BAZ1A: variants seen among roughly 807,000 people sequenced by gnomAD.
The protein encoded by BAZ1A is bromodomain adjacent to zinc finger domain 1A, also known as bromodomain adjacent to zinc finger domain protein 1A.
A neutral mutation model predicts 185.2 loss-of-function variants in BAZ1A; 50 were observed. The observed-to-expected ratio is 0.27, with a 90% CI of 0.22 to 0.34. The LOEUF (loss-of-function observed/expected upper bound fraction) is 0.34. Ranked by LOEUF, BAZ1A falls within the 10% of genes least tolerant of loss-of-function variation. The probability of loss-of-function intolerance (pLI) is 1.00; values close to 1 mark genes in which losing one functional copy is unlikely to be tolerated. For missense variants in BAZ1A, 1,356 were observed against 1,839.9 expected (o/e 0.74, Z 4.81); for synonymous variants, 571 against 615.6 (o/e 0.93, Z 1.07).
intron 6 of BAZ1A, among the ~76,000 whole-genome samples, chr14:34,803,587 A>G (rs948158403): frequency 1.3e-5 from 2 of 151,864 alleles, no homozygotes; most frequent in African/African-American, 4.8e-5. Context: ...TTACATATAT[A>G]TTATACAATA....
At chr14:34,820,495 G>C (rs889959133) in intron 4 of BAZ1A, among the ~76,000 whole-genome samples, 6 of 152,134 alleles carry the variant, frequency 3.9e-5, no homozygotes, top group Non-Finnish European at 8.8e-5. Flanking sequence ...TCCTTCATCA[G>C]ATTATCTTTT....
Position 34,763,506 on chromosome 14 carries a change from G to C in BAZ1A, c.3776+1201C>G, listed in dbSNP as rs74043545. Among the ~76,000 whole-genome samples, 914 of 152,014 alleles carry C rather than the reference G, an allele frequency of 6.0e-3. 10 individuals are homozygous for C. Among genetic ancestry groups the C allele is most frequent in the African/African-American group, 0.021 (878 of 41,450 alleles). ...CCCTGATATGACTGGCTATGGTCAGGCCTGCTGACAGAAAACCCCCAGTAG... is the reference window on the plus strand; with the variant it reads ...CCCTGATATGACTGGCTATGGTCAGCCCTGCTGACAGAAAACCCCCAGTAG... On this transcript the variant is annotated intron_variant, in intron 23 of 26. Transcript: ENST00000360310.
chr14:34,875,190 A>C lies in BAZ1A; in HGVS notation c.-111T>G. On this transcript the variant is annotated 5_prime_UTR_variant, in exon 1 of 27. Coordinates refer to ENST00000360310, the MANE Select transcript of BAZ1A (RefSeq NM_013448.3). ...CACCTTCTCCACTACAAAGGCAACGAGGGGAGACCCCGTCCTCCCAGGGGA... is the reference window on the plus strand; with the variant it reads ...CACCTTCTCCACTACAAAGGCAACGCGGGGAGACCCCGTCCTCCCAGGGGA... The C allele has an allele frequency of 2.2e-6, 1 of 446,414 alleles. No homozygotes were observed. The highest frequency in any genetic ancestry group is 4.5e-6 in the Non-Finnish European group (1 of 221,876). The allele number at this position is 446,414 out of a possible 1,614,324, so 27.7% of individuals were successfully genotyped here.
intron 3 of BAZ1A, among the ~76,000 whole-genome samples, chr14:34,846,476 GT>G (rs977598941): frequency 6.6e-6 from 1 of 152,178 alleles, no homozygotes; most frequent in African/African-American, 2.4e-5. Flanking sequence ...AATTTGTATG[GT>G]AAGTCTAAAC....
chr14:34,784,072 G>T, intron 14 of BAZ1A, 145 bp from the exon 15 acceptor site: 1 of 760,122 alleles, frequency 1.3e-6, no homozygotes, highest in South Asian at 2.2e-5. Context: ...ATGTCTTCAG[G>T]AAAAAGCAAT....
intron 23 of BAZ1A, among the ~76,000 whole-genome samples, chr14:34,762,794 C>T (rs1476517857): frequency 6.6e-6 from 1 of 152,130 alleles, no homozygotes; most frequent in Non-Finnish European, 1.5e-5. Context: ...AACTTCAGGA[C>T]ATCATTATGA....
rs1879214301 is a variant in BAZ1A, at chr14:34,771,500, C to CA, written c.3301+10dup. ...CACAACTAATATTTTGAAATAAAAA[C>CA]AGATACTTACCAAGTGGAGCTTTCA... On this transcript the variant is annotated intron_variant, in intron 21 of 26. Coordinates refer to ENST00000360310, the MANE Select transcript of BAZ1A (RefSeq NM_013448.3). 6.3e-7 allele frequency: 1 copy of CA among 1,598,796 alleles called. No individual in the cohort carries two copies. Among genetic ancestry groups the CA allele is most frequent in the African/African-American group, 1.4e-5 (1 of 74,064 alleles).
chr14:34,842,713 A>C (rs1168214432), intron 3 of BAZ1A, among the ~76,000 whole-genome samples: 1 of 152,130 alleles, frequency 6.6e-6, no homozygotes, highest in Non-Finnish European at 1.5e-5. Flanking sequence ...TGTCATACAC[A>C]CTTATTCCTC....
At chr14:34,824,408 CAAAA>C in intron 4 of BAZ1A, among the ~76,000 whole-genome samples, 1 of 65,772 alleles carries the variant, frequency 1.5e-5, no homozygotes, top group African/African-American at 6.6e-5. Flanking sequence ...AGCAGCAACT[CAAAA>C]AAAAAAAAAA....
intron 23 of BAZ1A, 114 bp downstream of exon 23, chr14:34,764,593 A>G (rs1878694490): frequency 1.4e-6 from 2 of 1,383,028 alleles, no homozygotes; most frequent in African/African-American, 1.4e-5. Context: ...TGTCCAGCCT[A>G]TATATTAGTT....
At position 34,800,380 on chromosome 14, in the gene BAZ1A, CT is replaced by C; in HGVS notation, c.971del (p.Lys324ArgfsTer4). On this transcript the variant is annotated frameshift_variant, in exon 9 of 27. Transcript: ENST00000360310. LOFTEE classifies it high-confidence loss of function. ...CTGCTTTTTCTCTTTTTAATTTAGCCTTTTCAAAAGCTGTGAAGAAAAATCA... is the reference window on the plus strand; with the variant it reads ...CTGCTTTTTCTCTTTTTAATTTAGCCTTTCAAAAGCTGTGAAGAAAAATCA... Reference protein sequence around the residue: ...QEEMKSLAFEKAKLKREKADA... With the variant: ...QEEMKSLAFEXAKLKREKADA... 1 of 1,539,950 alleles carries C rather than the reference CT, an allele frequency of 6.5e-7. No homozygotes were observed.
chr14:34,789,012 A>G (rs997804323), intron 12 of BAZ1A, among the ~76,000 whole-genome samples: 1 of 152,212 alleles, frequency 6.6e-6, no homozygotes, highest in Non-Finnish European at 1.5e-5. Flanking sequence ...GCCACACAGG[A>G]GAAGCTATCT....
chr14:34,815,818 A>G (rs890475013), intron 4 of BAZ1A, among the ~76,000 whole-genome samples: 5 of 152,200 alleles, frequency 3.3e-5, no homozygotes, highest in African/African-American at 1.2e-4. Flanking sequence ...TGTGTTCACA[A>G]CTATTCTACA....
intron 4 of BAZ1A, among the ~76,000 whole-genome samples, chr14:34,824,460 A>ATGTCATGCT (rs1179268164): frequency 6.8e-6 from 1 of 146,224 alleles, no homozygotes; most frequent in Admixed American, 6.9e-5. Flanking sequence ...ATACAGGACC[A>ATGTCATGCT]TGTCATGCTT....
At chr14:34,864,629 C>T (rs909231760) in intron 2 of BAZ1A, among the ~76,000 whole-genome samples, 8 of 148,940 alleles carry the variant, frequency 5.4e-5, no homozygotes, top group South Asian at 4.2e-4. Context: ...TACAGACGCG[C>T]GCCACCACAC....
In BAZ1A at chr14:34,753,409, G is replaced by A; in HGVS notation, c.*99C>T. ...AATATAGTGCAGGCCACACTTTCAT[G>A]TGGTCAATCAATTGTTATTGCTTTA... On this transcript the variant is annotated 3_prime_UTR_variant, in exon 27 of 27. Transcript: ENST00000360310. 8.4e-7 allele frequency: 1 copy of A among 1,185,012 alleles called. No homozygotes were observed. Among genetic ancestry groups the A allele is most frequent in the Non-Finnish European group, 1.2e-6 (1 of 823,482 alleles). The allele number at this position is 1,185,012 out of a possible 1,614,324, so 73.4% of individuals were successfully genotyped here. A position where few individuals can be genotyped will look rare whatever the true frequency, so the allele number is the denominator to read the frequency against.
rs752264784 is a variant in BAZ1A at position 34,771,677 on chromosome 14, AAG to A, written c.3153-20_3153-19del. The A allele has an allele frequency of 9.9e-6, 16 of 1,609,744 alleles. No homozygotes were observed. In the East Asian group the frequency reaches 3.6e-4, roughly 36 times the overall value. On this transcript the variant is annotated intron_variant, in intron 20 of 26. Coordinates refer to ENST00000360310, the MANE Select transcript of BAZ1A (RefSeq NM_013448.3). ...CCAAAAGTCTACAATTAAAACAATT[AAG>A]AGTTTATGGTACTTAAAAACACTAT...
chr14:34,803,144 G>A (rs920256394), intron 6 of BAZ1A, among the ~76,000 whole-genome samples, 156 bp from the exon 7 acceptor site: 12 of 152,146 alleles, frequency 7.9e-5, no homozygotes, highest in Admixed American at 1.3e-4. Flanking sequence ...ACTTTGGGAG[G>A]CCGAGGCGGG....
intron 14 of BAZ1A, among the ~76,000 whole-genome samples, chr14:34,784,760 T>C (rs1321035164): frequency 6.6e-6 from 1 of 152,162 alleles, no homozygotes; most frequent in East Asian, 1.9e-4. Context: ...CCTTCTGATC[T>C]GCCCGCCTCA....
Sources: gnomAD v4.1 joint callset for allele counts (sites outside exome capture counted in the v4.1 genomes callset) on GRCh38, gnomAD v4.1.1 for gene constraint, MANE v1.5 for transcripts, NCBI Gene and HGNC (gene_info 2026-07-23, HGNC 2026-07-21) for gene names.